The following CDK18 variants were observed in gnomAD, a reference collection of about 807,000 sequenced individuals.
CDK18 encodes cyclin-dependent kinase 18.
A neutral mutation model predicts 62.0 loss-of-function variants in CDK18; 52 were observed. That is an observed-to-expected ratio of 0.84 (90% CI 0.67 to 1.06). The LOEUF is 1.06. CDK18 is among the 50% of genes least tolerant of loss of function. The pLI is 0.00. For synonymous variants in CDK18, 237 were observed against 247.0 expected (o/e 0.96, Z 0.38); for missense variants, 604 against 619.9 (o/e 0.97, Z 0.27).
chr1:205,505,766 C>T (rs573542916), intron 1 of CDK18, among the ~76,000 whole-genome samples: 10 of 152,064 alleles, frequency 6.6e-5, no homozygotes, highest in Non-Finnish European at 1.5e-4. Context: ...TCAGCACCCT[C>T]CTAGGCACCA....
At chr1:205,511,549 GA>G (rs1667565837) in intron 1 of CDK18, among the ~76,000 whole-genome samples, 1 of 152,142 alleles carries the variant, frequency 6.6e-6, no homozygotes, top group South Asian at 2.1e-4. Context: ...GTTCATTATG[GA>G]AATATTAGAA....
intron 1 of CDK18, among the ~76,000 whole-genome samples, chr1:205,514,812 TCTC>T (rs1350113989): frequency 1.3e-5 from 2 of 152,144 alleles, no homozygotes; most frequent in African/African-American, 4.8e-5. Context: ...TCCTGAAGGA[TCTC>T]ACAGTCTAGT....
In CDK18 at chr1:205,523,523, G is replaced by T. The variant is rs1233653176; in HGVS notation, c.171G>T (p.Glu57Asp). The change falls in exon 3 of 16, where the codon GAG (glutamate) becomes GAT (aspartate). Residue 57 changes from glutamate to aspartate, a missense_variant. Glu to Asp is a conservative substitution (Grantham distance 45, BLOSUM62 2). Coordinates refer to ENST00000429964, the MANE Select transcript of CDK18 (RefSeq NM_212502.3). The stretch of plus-strand genomic sequence containing the variant: ...CTCTTGGCAGAGACCCCCCGCAGGA[G>T]TGCAGCACCTTCTCCCCAACAGACA... ...LGPLGRDPPQ[E>D]CSTFSPTDSG... The T allele has an allele frequency of 1.2e-6, 2 of 1,606,928 alleles. No homozygotes were observed. The highest frequency in any genetic ancestry group is 1.7e-6 in the Non-Finnish European group (2 of 1,177,208).
In CDK18 at chr1:205,528,202, G is replaced by A. The variant is rs1392578054; in HGVS notation, c.974+34G>A. 1.2e-6 allele frequency: 2 copies of A among 1,610,564 alleles called. No individual in the cohort carries two copies. Among genetic ancestry groups the A allele is most frequent in the Non-Finnish European group, 1.7e-6 (2 of 1,178,638 alleles). ...GCACTGTGGGGACCGAGGAGGGGAG[G>A]ACAGGCCTGGCCACACCTCCAGACT... On this transcript the variant is annotated intron_variant, in intron 10 of 15. Coordinates refer to ENST00000429964, the MANE Select transcript of CDK18 (RefSeq NM_212502.3). This position sits in a 1 kb window ranked among gnomAD's most constrained non-coding sequence, Gnocchi z 4.2.
rs377621183 is a variant in CDK18 at position 205,530,513 on chromosome 1, G to A, written c.1313-115G>A. The A allele has an allele frequency of 6.2e-4, 742 of 1,206,022 alleles. 1 individual carries two copies. The highest frequency in any genetic ancestry group is 8.1e-4 in the East Asian group (33 of 40,958). The allele number at this position is 1,206,022 out of a possible 1,614,324, so 74.7% of individuals were successfully genotyped here. On this transcript the variant is annotated intron_variant, in intron 14 of 15. Transcript: ENST00000429964. Reference sequence around the variant, plus strand: ...GGGGTTCTCATTCCAAATTGAGGGGGCAAACAGTGGAAATGAGACGCTGCC... The same window carrying A: ...GGGGTTCTCATTCCAAATTGAGGGGACAAACAGTGGAAATGAGACGCTGCC...
At chr1:205,529,861 G>A (rs1329076838) in intron 13 of CDK18, 4 of 1,338,280 alleles carry the variant, frequency 3.0e-6, no homozygotes, top group Non-Finnish European at 4.0e-6. Flanking sequence ...TTATAAGATG[G>A]CCGTGAGGAT....
intron 8 of CDK18, 112 bp downstream of exon 8, chr1:205,526,949 TC>T: frequency 1.2e-6 from 1 of 830,628 alleles, no homozygotes; most frequent in Non-Finnish European, 2.1e-6. Context: ...GCTCAGACCT[TC>T]CCACGTAGGA....
intron 5 of CDK18, 116 bp from the exon 6 acceptor site, chr1:205,525,949 G>A (rs1668400871): frequency 3.0e-6 from 2 of 676,458 alleles, no homozygotes; most frequent in African/African-American, 1.8e-5. Context: ...TCAGTAAAGG[G>A]AGGAAGGGCA....
At chr1:205,530,975 G>A (rs1182848632) in intron 15 of CDK18, among the ~76,000 whole-genome samples, 2 of 152,232 alleles carry the variant, frequency 1.3e-5, no homozygotes. Flanking sequence ...CAAACCCTGA[G>A]CTCTCTAATC....
Position 205,519,517 on chromosome 1 carries a change from A to G in CDK18, c.-21-3630A>G, listed in dbSNP as rs1668007171. ...CCTCCATCCTTCCATCAGGAAATCC[A>G]TCCTACATCTGACCCCCATCCCTTC... is the stretch of plus-strand genomic sequence containing the variant. On this transcript the variant is annotated intron_variant, in intron 1 of 15. Transcript: ENST00000429964. Among the ~76,000 whole-genome samples, 3 of 152,012 alleles carry G rather than the reference A, an allele frequency of 2.0e-5. No individual in the cohort carries two copies. The South Asian group carries it at 6.2e-4, about 32-fold the overall frequency.
intron 1 of CDK18, among the ~76,000 whole-genome samples, chr1:205,521,869 G>A (rs1479883383): frequency 2.6e-5 from 4 of 152,252 alleles, no homozygotes; most frequent in Admixed American, 2.0e-4. Context: ...CTGGCCAGTC[G>A]CAGGGCTGAG....
intron 1 of CDK18, among the ~76,000 whole-genome samples, chr1:205,518,227 C>T (rs913725827): frequency 6.6e-6 from 1 of 152,204 alleles, no homozygotes; most frequent in Non-Finnish European, 1.5e-5. Flanking sequence ...TTGTCACCAT[C>T]CATCATACTG....
At chr1:205,530,800 A>G (rs1322444626) in intron 15 of CDK18, 95 bp downstream of exon 15, 20 of 982,428 alleles carry the variant, frequency 2.0e-5, no homozygotes, top group Admixed American at 3.8e-5. Flanking sequence ...TCCCCCCACC[A>G]CTGGCTTCCC....
chr1:205,519,403 C>G (rs1015183627), intron 1 of CDK18, among the ~76,000 whole-genome samples: 2 of 151,634 alleles, frequency 1.3e-5, no homozygotes, highest in African/African-American at 4.9e-5. Flanking sequence ...GTGGTCACCA[C>G]CCCCACCGCC....
In CDK18 at chr1:205,527,990, A is replaced by T. The variant is rs1229454820; in HGVS notation, c.854-58A>T. Reference sequence around the variant, plus strand: ...GGGTGTGGGTGCAGTGGGGGAGGGCATAGCAGTCAACCCCACAGCACCTGT... The same window carrying T: ...GGGTGTGGGTGCAGTGGGGGAGGGCTTAGCAGTCAACCCCACAGCACCTGT... On this transcript the variant is annotated intron_variant, in intron 9 of 15. Transcript: ENST00000429964. The surrounding 1 kb of genome is among the most constrained non-coding windows in gnomAD (Gnocchi z 4.1). 9 of 1,613,118 alleles carry T rather than the reference A, an allele frequency of 5.6e-6. No homozygotes were observed. Among genetic ancestry groups the T allele is most frequent in the Admixed American group, 1.7e-5 (1 of 59,964 alleles).
At position 205,517,329 on chromosome 1, in the gene CDK18, C is replaced by T. The variant is rs1667871927; in HGVS notation, c.-21-5818C>T. 6.6e-6 allele frequency among the ~76,000 whole-genome samples: 1 copy of T among 152,212 alleles called. No individual in the cohort carries two copies. Among genetic ancestry groups the T allele is most frequent in the African/African-American group, 2.4e-5 (1 of 41,464 alleles). ...TCCCTGTCTCCTGGCCCTCTTCCAT[C>T]CTGGGATCCAAAAGCACCTTGCAAT... On this transcript the variant is annotated intron_variant, in intron 1 of 15. Coordinates refer to ENST00000429964, the MANE Select transcript of CDK18 (RefSeq NM_212502.3). This position sits in a 1 kb window ranked among gnomAD's most constrained non-coding sequence, Gnocchi z 4.1.
intron 1 of CDK18, among the ~76,000 whole-genome samples, chr1:205,520,177 G>A (rs113130771): frequency 0.028 from 4,272 of 152,254 alleles, 121 homozygotes; most frequent in African/African-American, 0.077. Flanking sequence ...AGGATCCCCC[G>A]TCTCAGCACA....
At chr1:205,526,973 G>A (rs1184117920) in intron 8 of CDK18, 136 bp downstream of exon 8, 11 of 702,202 alleles carry the variant, frequency 1.6e-5, no homozygotes, top group South Asian at 1.3e-4. Flanking sequence ...GAGGGAGAGG[G>A]CAATGCCATC....
intron 2 of CDK18, 88 bp downstream of exon 2, chr1:205,523,385 G>GACA: frequency 3.1e-6 from 5 of 1,598,732 alleles, no homozygotes; most frequent in Non-Finnish European, 4.3e-6. Context: ...CCTCCCCACT[G>GACA]GCCTTAGGGG....
Sources: gnomAD v4.1 joint callset for allele counts (sites outside exome capture counted in the v4.1 genomes callset) on GRCh38, gnomAD v4.1.1 for gene constraint, Gnocchi (gnomAD v3.1) non-coding constraint, MANE v1.5 for transcripts, NCBI Gene and HGNC (gene_info 2026-07-23, HGNC 2026-07-21) for gene names.